The following GALNT1 variants were observed in gnomAD, a reference collection of about 807,000 sequenced individuals.
The protein encoded by GALNT1 is polypeptide N-acetylgalactosaminyltransferase 1, also known as GalNAc transferase 1.
In GALNT1, 17 loss-of-function variants were observed where a neutral mutation model predicts 65.7. That is an observed-to-expected ratio of 0.26 (90% CI 0.18 to 0.39). GALNT1 has a LOEUF of 0.39. Ranked by LOEUF, GALNT1 falls within the 10% of genes least tolerant of loss-of-function variation. The pLI is 1.00. For synonymous variants in GALNT1, 210 were observed against 219.7 expected (o/e 0.96, Z 0.39); for missense variants, 460 against 672.8 (o/e 0.68, Z 3.50).
Position 35,689,181 on chromosome 18 carries a change from C to G in GALNT1, c.869C>G (p.Thr290Ser). The G allele has an allele frequency of 6.2e-7, 1 of 1,602,560 alleles. No homozygotes were observed. Among genetic ancestry groups the G allele is most frequent in the Non-Finnish European group, 8.5e-7 (1 of 1,170,152 alleles). The change falls in exon 7 of 12, where the codon ACC becomes AGC. Residue 290 changes from threonine (T) to serine (S), a missense_variant. Physicochemically the swap from Thr to Ser is moderately conservative, Grantham distance 58. Transcript: ENST00000269195. ...GDRTLPVRTP[T>S]MAGGLFSIDR... ...GCATTATTGAATTTCAGGACACCTA[C>G]CATGGCAGGAGGCCTTTTTTCAATA...
chr18:35,591,463 A>C (rs914092759), intron 1 of GALNT1, among the ~76,000 whole-genome samples: 2 of 152,258 alleles, frequency 1.3e-5, no homozygotes, highest in African/African-American at 4.8e-5. Context: ...TTTGCTCTTT[A>C]TAACAAAATT....
At position 35,689,153 on chromosome 18, in the gene GALNT1, A is replaced by G. The variant is rs1381456290; in HGVS notation, c.861-20A>G. The G allele has an allele frequency of 3.5e-6, 5 of 1,426,184 alleles. No homozygotes were observed. The highest frequency in any genetic ancestry group is 1.8e-4 in the Middle Eastern group (1 of 5,696). The allele number at this position is 1,426,184 out of a possible 1,614,324, so 88.3% of individuals were successfully genotyped here. ...TTGTAAATTTTAAATTGCTAATGGTATAGCATTATTGAATTTCAGGACACC... is the reference window on the plus strand; with the variant it reads ...TTGTAAATTTTAAATTGCTAATGGTGTAGCATTATTGAATTTCAGGACACC... On this transcript the variant is annotated intron_variant, in intron 6 of 11. Transcript: ENST00000269195.
In GALNT1 at chr18:35,685,882, C is replaced by G. The variant is rs138425971; in HGVS notation, c.690-1134C>G. Among the ~76,000 whole-genome samples, 46 of 152,268 alleles carry G rather than the reference C, an allele frequency of 3.0e-4. 1 individual carries two copies. The East Asian group carries it at 7.9e-3, about 26-fold the overall frequency. On this transcript the variant is annotated intron_variant, in intron 5 of 11. Transcript: ENST00000269195. ...AGGAGTTCGAGACCAGTCTGGCCAA[C>G]ATGGCGAAACCCCAGCTCTACTAAA...
intron 1 of GALNT1, among the ~76,000 whole-genome samples, chr18:35,590,633 C>T (rs1441605358): frequency 6.6e-6 from 1 of 152,190 alleles, no homozygotes; most frequent in Non-Finnish European, 1.5e-5. Flanking sequence ...GGAATCTACA[C>T]ATTATGTTTT....
Position 35,683,826 on chromosome 18 carries a change from T to C in GALNT1, c.689+228T>C, listed in dbSNP as rs569488046. Reference sequence around the variant, plus strand: ...ACTAATGAGGAGTGATTAGGAAGCATGTCATTGGAATGTATACTATATGCT... The same window carrying C: ...ACTAATGAGGAGTGATTAGGAAGCACGTCATTGGAATGTATACTATATGCT... On this transcript the variant is annotated intron_variant, in intron 5 of 11. Coordinates refer to ENST00000269195, the MANE Select transcript of GALNT1 (RefSeq NM_020474.4). Among the ~76,000 whole-genome samples the C allele has an allele frequency of 1.2e-3, 184 of 152,320 alleles. 1 individual carries two copies. The highest frequency in any genetic ancestry group is 4.2e-3 in the African/African-American group (174 of 41,568).
intron 1 of GALNT1, among the ~76,000 whole-genome samples, chr18:35,651,691 A>G (rs935381470): frequency 6.6e-5 from 10 of 152,230 alleles, no homozygotes; most frequent in Admixed American, 6.5e-4. Context: ...CGAAGGACAC[A>G]CAAAAGTTGC....
At chr18:35,706,035 C>A (rs527819149) in intron 11 of GALNT1, among the ~76,000 whole-genome samples, 15 of 152,252 alleles carry the variant, frequency 9.9e-5, no homozygotes, top group African/African-American at 3.1e-4. Context: ...CCATGGTGAC[C>A]CCCAGCTGCA....
intron 1 of GALNT1, among the ~76,000 whole-genome samples, chr18:35,626,868 A>G (rs2046924445): frequency 6.6e-6 from 1 of 152,192 alleles, no homozygotes; most frequent in Non-Finnish European, 1.5e-5. Flanking sequence ...TTCTCCTTCA[A>G]CATCTCTATG....
At chr18:35,604,761 ATTGT>A (rs756223652) in intron 1 of GALNT1, among the ~76,000 whole-genome samples, 5 of 151,946 alleles carry the variant, frequency 3.3e-5, no homozygotes, top group Admixed American at 6.6e-5. Flanking sequence ...TTTTAATAGG[ATTGT>A]TTGTTTTTTG....
At chr18:35,650,189 G>T (rs957966746) in intron 1 of GALNT1, among the ~76,000 whole-genome samples, 1 of 152,112 alleles carries the variant, frequency 6.6e-6, no homozygotes, top group Non-Finnish European at 1.5e-5. Context: ...AAATTTTAAA[G>T]CTGGGAGTCT....
At chr18:35,586,710 T>C (rs962731689) in intron 1 of GALNT1, among the ~76,000 whole-genome samples, 1 of 152,242 alleles carries the variant, frequency 6.6e-6, no homozygotes, top group Non-Finnish European at 1.5e-5. Flanking sequence ...ATTGCCTTTG[T>C]ATCTTTGTAA....
chr18:35,635,729 T>G (rs891862085), intron 1 of GALNT1, among the ~76,000 whole-genome samples: 2 of 152,198 alleles, frequency 1.3e-5, no homozygotes, highest in Non-Finnish European at 2.9e-5. Context: ...CTGAGAAGTT[T>G]GTAGATTTTT....
chr18:35,683,615 TG>T lies in GALNT1; in HGVS notation c.689+18del. The T allele has an allele frequency of 6.2e-7, 1 of 1,609,012 alleles. No individual in the cohort carries two copies. Among genetic ancestry groups the T allele is most frequent in the Non-Finnish European group, 8.5e-7 (1 of 1,176,954 alleles). ...ACATGACAGGTAATTTTCTGGTGTCTGTAAGTTTGCTTTTAGTACATTTGTC... is the reference window on the plus strand; with the variant it reads ...ACATGACAGGTAATTTTCTGGTGTCTTAAGTTTGCTTTTAGTACATTTGTC... On this transcript the variant is annotated intron_variant, in intron 5 of 11. Transcript: ENST00000269195.
At chr18:35,607,409 T>C (rs2046664145) in intron 1 of GALNT1, among the ~76,000 whole-genome samples, 2 of 152,254 alleles carry the variant, frequency 1.3e-5, no homozygotes, top group Admixed American at 6.5e-5. Flanking sequence ...GATGCCTTAC[T>C]CTATGGTTGT....
At chr18:35,675,000 A>C (rs1272966028) in intron 3 of GALNT1, among the ~76,000 whole-genome samples, 1 of 150,996 alleles carries the variant, frequency 6.6e-6, no homozygotes, top group East Asian at 1.9e-4. Flanking sequence ...AAAAAAAAAA[A>C]AAAAAAAAAA....
intron 1 of GALNT1, among the ~76,000 whole-genome samples, chr18:35,602,968 AT>A (rs2046600575): frequency 6.6e-6 from 1 of 152,098 alleles, no homozygotes; most frequent in African/African-American, 2.4e-5. Flanking sequence ...AGTCTTCTCT[AT>A]ATGTCTTGTC....
intron 3 of GALNT1, among the ~76,000 whole-genome samples, chr18:35,665,799 A>G (rs1251749295): frequency 2.6e-5 from 4 of 152,254 alleles, no homozygotes; most frequent in Non-Finnish European, 5.9e-5. Context: ...TGGACATGCA[A>G]GATCTCAAAA....
At chr18:35,631,950 T>C (rs1465251787) in intron 1 of GALNT1, among the ~76,000 whole-genome samples, 3 of 152,198 alleles carry the variant, frequency 2.0e-5, no homozygotes, top group African/African-American at 4.8e-5. Context: ...CCATTCACAA[T>C]TGCTTCAAAG....
At chr18:35,682,510 A>G (rs942698414) in intron 4 of GALNT1, among the ~76,000 whole-genome samples, 1 of 152,176 alleles carries the variant, frequency 6.6e-6, no homozygotes, top group East Asian at 1.9e-4. Flanking sequence ...GCATTTGGCC[A>G]TATTACCACC....
Sources: gnomAD v4.1 joint callset for allele counts (sites outside exome capture counted in the v4.1 genomes callset) on GRCh38, gnomAD v4.1.1 for gene constraint, MANE v1.5 for transcripts, NCBI Gene and HGNC (gene_info 2026-07-23, HGNC 2026-07-21) for gene names.